Variants in FRS2 observed in about 807,000 individuals in gnomAD.
The protein encoded by FRS2 is fibroblast growth factor receptor substrate 2.
A neutral mutation model predicts 43.9 loss-of-function variants in FRS2; 8 were observed. The observed-to-expected ratio is 0.18, with a 90% CI of 0.11 to 0.33. FRS2 has a LOEUF of 0.33. FRS2 is among the 10% of genes least tolerant of loss of function. The pLI is 1.00. For synonymous variants in FRS2, 219 were observed against 220.3 expected (o/e 0.99, Z 0.05); for missense variants, 534 against 627.6 (o/e 0.85, Z 1.59).
intron 3 of FRS2, among the ~76,000 whole-genome samples, chr12:69,555,637 A>AGG (rs1226168457): frequency 2.6e-5 from 4 of 152,186 alleles, no homozygotes; most frequent in African/African-American, 7.2e-5. Flanking sequence ...CCATATACAA[A>AGG]GGGCTGACTT....
intron 3 of FRS2, among the ~76,000 whole-genome samples, chr12:69,552,627 C>A (rs761999651): frequency 6.6e-6 from 1 of 151,890 alleles, no homozygotes; most frequent in Non-Finnish European, 1.5e-5. Flanking sequence ...TTACAGAGTC[C>A]ACAGGGATTC....
At position 69,560,266 on chromosome 12, in the gene FRS2, A is replaced by C. The variant is rs115286207; in HGVS notation, c.-121-1914A>C. Reference sequence around the variant, plus strand: ...ATGCCTTGTCTTTTAAAATGCTATTAATTTTCGAAATATCTTTATATCCAG... The same window carrying C: ...ATGCCTTGTCTTTTAAAATGCTATTCATTTTCGAAATATCTTTATATCCAG... On this transcript the variant is annotated intron_variant, in intron 3 of 8. Coordinates refer to ENST00000549921, the MANE Select transcript of FRS2 (RefSeq NM_001278356.2). Among the ~76,000 whole-genome samples the C allele has an allele frequency of 9.9e-3, 1,505 of 152,236 alleles. 26 individuals carry two copies. The highest frequency in any genetic ancestry group is 0.034 in the African/African-American group (1,402 of 41,516).
At chr12:69,485,878 T>G (rs1267297325) in intron 1 of FRS2, among the ~76,000 whole-genome samples, 1 of 152,222 alleles carries the variant, frequency 6.6e-6, no homozygotes, top group Non-Finnish European at 1.5e-5. Context: ...TGTATTAAGA[T>G]CCTCTATGTG....
rs5798936 is a variant in FRS2, at chr12:69,490,431, GTT to G, written c.-261+19916_-261+19917del. On this transcript the variant is annotated intron_variant, in intron 1 of 8. Transcript: ENST00000549921. The stretch of plus-strand genomic sequence containing the variant: ...AGAAAAATACCTTGAAAATGTGTGG[GTT>G]TTTTTTTTTTTTTTGGCATTTGAAA... Among the ~76,000 whole-genome samples the G allele has an allele frequency of 7.7e-3, 1,021 of 133,290 alleles. 6 individuals are homozygous for G. Among genetic ancestry groups the G allele is most frequent in the South Asian group, 0.048 (206 of 4,266 alleles). 87.4% of individuals were successfully genotyped at this position (133,290 alleles called of 152,430 possible). A position where few individuals can be genotyped will look rare whatever the true frequency, so the allele number is the denominator to read the frequency against.
intron 1 of FRS2, among the ~76,000 whole-genome samples, chr12:69,529,281 A>G (rs938525916): frequency 6.6e-5 from 10 of 152,160 alleles, no homozygotes; most frequent in African/African-American, 1.9e-4. Flanking sequence ...ATATCTTTTG[A>G]AACTGGAGCT....
chr12:69,562,230 C>G lies in FRS2; in HGVS notation c.-71C>G. ...TGGTATTTTGAAATATGATTAAACT[C>G]CTGATGCTGCAGCAGAGGCTAAGAA... On this transcript the variant is annotated 5_prime_UTR_variant, in exon 4 of 9. Coordinates refer to ENST00000549921, the MANE Select transcript of FRS2 (RefSeq NM_001278356.2). The G allele has an allele frequency of 5.0e-6, 2 of 398,238 alleles. No individual in the cohort carries two copies. The highest frequency in any genetic ancestry group is 3.6e-5 in the East Asian group (1 of 28,038). 24.7% of individuals were successfully genotyped at this position (398,238 alleles called of 1,614,324 possible).
Position 69,574,539 on chromosome 12 carries a change from A to C in FRS2, c.1111A>C (p.Asn371His). 1 of 1,614,170 alleles carries C rather than the reference A, an allele frequency of 6.2e-7. No individual in the cohort carries two copies. Among genetic ancestry groups the C allele is most frequent in the African/African-American group, 1.3e-5 (1 of 75,034 alleles). Residue 371 changes from asparagine to histidine, a missense_variant, in exon 9 of 9, where the codon AAT (asparagine) becomes CAT (histidine). Asn to His is a moderately conservative substitution (Grantham distance 68, BLOSUM62 1). Around this residue, in one of 3 missense-constraint regions of FRS2, gnomAD observed 446 missense variants for 494.2 expected, o/e 0.90. Transcript: ENST00000549921. ...CAAGCTAAGTAGGGATGAAGATGACAATTTAGGACCAAAGACCCCATCTCT... is the reference window on the plus strand; with the variant it reads ...CAAGCTAAGTAGGGATGAAGATGACCATTTAGGACCAAAGACCCCATCTCT... ...ARKLSRDEDD[N>H]LGPKTPSLNG...
In FRS2 at chr12:69,578,579, G is replaced by A. The variant is rs542137699; in HGVS notation, c.*3624G>A. 9 of 152,608 alleles carry A rather than the reference G, an allele frequency of 5.9e-5. No homozygotes were observed. Among genetic ancestry groups the A allele is most frequent in the Non-Finnish European group, 8.8e-5 (6 of 68,000 alleles). The allele number at this position is 152,608 out of a possible 1,614,324, so 9.5% of individuals were successfully genotyped here. A position where few individuals can be genotyped will look rare whatever the true frequency, so the allele number is the denominator to read the frequency against. ...GTTCTATGGCAATTGGACAGTTATAGCATGGAAACAGACTGGTATAAGTAG... is the reference window on the plus strand; with the variant it reads ...GTTCTATGGCAATTGGACAGTTATAACATGGAAACAGACTGGTATAAGTAG... On this transcript the variant is annotated 3_prime_UTR_variant, in exon 9 of 9. Transcript: ENST00000549921.
At chr12:69,491,333 C>T (rs1306199612) in intron 1 of FRS2, among the ~76,000 whole-genome samples, 2 of 152,014 alleles carry the variant, frequency 1.3e-5, no homozygotes, top group African/African-American at 4.8e-5. Flanking sequence ...TGAGCTCCAG[C>T]GACCTGCCCA....
chr12:69,529,357 C>T (rs1254133632), intron 1 of FRS2, among the ~76,000 whole-genome samples: 2 of 152,184 alleles, frequency 1.3e-5, no homozygotes, highest in Non-Finnish European at 2.9e-5. Context: ...GGCATGGTGG[C>T]TCATTCCTGT....
rs71094716 is a variant in FRS2, at chr12:69,485,082, AACACACACACACACACACACAC to A, written c.-261+14585_-261+14606del. 1.4e-3 allele frequency among the ~76,000 whole-genome samples: 121 copies of A among 85,344 alleles called. 1 individual carries two copies. Among genetic ancestry groups the A allele is most frequent in the African/African-American group, 5.6e-3 (101 of 18,162 alleles). The allele number at this position is 85,344 out of a possible 152,430, so 56.0% of individuals were successfully genotyped here. A position where few individuals can be genotyped will look rare whatever the true frequency, so the allele number is the denominator to read the frequency against. ...GAAACATAGTAAGACCTCATCTTAAAACACACACACACACACACACACACACACACACACACACACACACACA... is the reference window on the plus strand; with the variant it reads ...GAAACATAGTAAGACCTCATCTTAAAACACACACACACACACACACACACA... On this transcript the variant is annotated intron_variant, in intron 1 of 8. Transcript: ENST00000549921.
chr12:69,553,706 C>T (rs1224046166), intron 3 of FRS2, among the ~76,000 whole-genome samples: 1 of 152,136 alleles, frequency 6.6e-6, no homozygotes, highest in Non-Finnish European at 1.5e-5. Context: ...TGCTAGATGG[C>T]ACCAGGGTGC....
chr12:69,489,760 C>G (rs1445029631), intron 1 of FRS2, among the ~76,000 whole-genome samples: 1 of 149,186 alleles, frequency 6.7e-6, no homozygotes, highest in Non-Finnish European at 1.5e-5. Context: ...ATCACATATT[C>G]TGAGGTGTTT....
Position 69,574,569 on chromosome 12 carries a change from G to C in FRS2, c.1141G>C (p.Gly381Arg). The C allele has an allele frequency of 6.2e-7, 1 of 1,614,008 alleles. No individual in the cohort carries two copies. The highest frequency in any genetic ancestry group is 8.5e-7 in the Non-Finnish European group (1 of 1,179,944). Residue 381 changes from glycine (G) to arginine (R), a missense_variant, in exon 9 of 9, where the codon GGC (glycine) becomes CGC (arginine). Coordinates refer to ENST00000549921, the MANE Select transcript of FRS2 (RefSeq NM_001278356.2). ...NLGPKTPSLN[G>R]YHNNLDPMHN... Reference sequence around the variant, plus strand: ...AGGACCAAAGACCCCATCTCTAAATGGCTACCATAATAATCTAGATCCAAT... The same window carrying C: ...AGGACCAAAGACCCCATCTCTAAATCGCTACCATAATAATCTAGATCCAAT...
chr12:69,474,783 T>TA (rs1382582531), intron 1 of FRS2, among the ~76,000 whole-genome samples: 3 of 152,232 alleles, frequency 2.0e-5, no homozygotes, highest in African/African-American at 7.2e-5. Flanking sequence ...AAATCTCTGA[T>TA]ACAGTATTTC....
At chr12:69,470,642 T>G in intron 1 of FRS2, 112 bp downstream of exon 1, 1 of 256,486 alleles carries the variant, frequency 3.9e-6, no homozygotes, top group Non-Finnish European at 7.3e-6. Context: ...GCTGCCGGCG[T>G]CCGGGGAAGG....
At chr12:69,500,013 C>G (rs1305834109) in intron 1 of FRS2, among the ~76,000 whole-genome samples, 2 of 151,912 alleles carry the variant, frequency 1.3e-5, no homozygotes, top group Non-Finnish European at 2.9e-5. Flanking sequence ...CAGTTATTTC[C>G]TTAATATCTT....
chr12:69,507,885 G>T (rs932194963), intron 1 of FRS2, among the ~76,000 whole-genome samples: 5 of 151,946 alleles, frequency 3.3e-5, no homozygotes, highest in African/African-American at 1.2e-4. Flanking sequence ...TTAACAGGGT[G>T]TGGTGGCACA....
intron 1 of FRS2, among the ~76,000 whole-genome samples, chr12:69,485,045 A>G (rs995792692): frequency 2.1e-5 from 3 of 142,550 alleles, no homozygotes; most frequent in African/African-American, 5.2e-5. Flanking sequence ...CAGGAGTTCA[A>G]CACTAGCCTG....
Sources: gnomAD v4.1 joint callset for allele counts (sites outside exome capture counted in the v4.1 genomes callset) on GRCh38, gnomAD v4.1.1 for gene constraint, gnomAD v4.1.1 regional missense constraint, MANE v1.5 for transcripts, NCBI Gene and HGNC (gene_info 2026-07-23, HGNC 2026-07-21) for gene names.